Variants in BCL2L13 observed in about 807,000 individuals in gnomAD.
The protein encoded by BCL2L13 is bcl-2-like protein 13.
A neutral mutation model predicts 25.8 loss-of-function variants in BCL2L13; 13 were observed. The ratio of observed to expected loss-of-function variants is 0.50; its 90% CI spans 0.33 to 0.80. BCL2L13 has a LOEUF of 0.80. Among genes scored for constraint, BCL2L13 ranks in the 30% least tolerant of loss-of-function variants. BCL2L13 has a pLI of 0.02. For synonymous variants in BCL2L13, 244 were observed against 230.3 expected (o/e 1.06, Z -0.54); for missense variants, 504 against 574.9 (o/e 0.88, Z 1.26).
At chr22:17,660,323 AACTG>A (rs1488921902) in intron 2 of BCL2L13, among the ~76,000 whole-genome samples, 1 of 146,560 alleles carries the variant, frequency 6.8e-6, no homozygotes, top group African/African-American at 2.4e-5. Context: ...TTTTTTGATA[AACTG>A]ACTAAAGACA....
chr22:17,681,056 A>G (rs1299228873), intron 2 of BCL2L13, among the ~76,000 whole-genome samples: 1 of 152,034 alleles, frequency 6.6e-6, no homozygotes, highest in Non-Finnish European at 1.5e-5. Flanking sequence ...ACTCGTCTTG[A>G]TCTGTCTCCT....
At chr22:17,635,137 C>CA (rs1033754765), upstream of BCL2L13, among the ~76,000 whole-genome samples, 1 of 151,698 alleles carries the variant, frequency 6.6e-6, no homozygotes, top group Non-Finnish European at 1.5e-5. Context: ...CCTATAATCC[C>CA]AGCACTTCAG....
chr22:17,681,386 G>C (rs540780984), intron 2 of BCL2L13, among the ~76,000 whole-genome samples: 5 of 151,962 alleles, frequency 3.3e-5, no homozygotes, highest in Admixed American at 3.3e-4. Context: ...GGCGCCTGTA[G>C]TCCCAGCTAC....
At position 17,715,145 on chromosome 22, in the gene BCL2L13, TATATATATATATATATATATATA is replaced by T. The variant is rs2060889263; in HGVS notation, c.601-11531_601-11509del. Among the ~76,000 whole-genome samples, 7 of 9,842 alleles carry T rather than the reference TATATATATATATATATATATATA, an allele frequency of 7.1e-4. 1 individual carries two copies. The highest frequency in any genetic ancestry group is 4.1e-3 in the South Asian group (1 of 242). 6.5% of individuals were successfully genotyped at this position (9,842 alleles called of 152,430 possible). On this transcript the variant is annotated intron_variant, in intron 6 of 6. Transcript: ENST00000317582. ...TTTTATATATATATATATATATATA[TATATATATATATATATATATATA>T]TATTTTTTTTTTTTTTTTTTTTTTT...
intron 1 of BCL2L13, among the ~76,000 whole-genome samples, chr22:17,633,341 T>C (rs1354010579): frequency 6.6e-6 from 1 of 152,222 alleles, no homozygotes; most frequent in East Asian, 1.9e-4. Context: ...TTTACAGAGA[T>C]AACCTCTGAA....
chr22:17,720,771 G>A (rs2061099777), intron 6 of BCL2L13, among the ~76,000 whole-genome samples: 1 of 151,690 alleles, frequency 6.6e-6, no homozygotes, highest in African/African-American at 2.4e-5. Flanking sequence ...CAAAATGTTG[G>A]GATTATAGGT....
intron 2 of BCL2L13, among the ~76,000 whole-genome samples, chr22:17,676,641 T>C (rs2535694): frequency 0.86 from 131,159 of 152,154 alleles, 56,728 homozygotes; most frequent in East Asian, 0.94. Flanking sequence ...AATTAATTTC[T>C]GAGCTTGTGT....
At chr22:17,677,369 T>C (rs1450777358) in intron 2 of BCL2L13, among the ~76,000 whole-genome samples, 1 of 152,238 alleles carries the variant, frequency 6.6e-6, no homozygotes, top group African/African-American at 2.4e-5. Context: ...ATCAAGTTTC[T>C]TGACCTTAAT....
intron 2 of BCL2L13, among the ~76,000 whole-genome samples, chr22:17,663,782 G>A (rs2146566125): frequency 7.1e-6 from 1 of 140,782 alleles, no homozygotes; most frequent in East Asian, 2.1e-4. Context: ...CACCCGCCTA[G>A]TTCAAGCGAT....
At chr22:17,673,901 A>T (rs1030351475) in intron 2 of BCL2L13, among the ~76,000 whole-genome samples, 16 of 152,140 alleles carry the variant, frequency 1.1e-4, no homozygotes, top group African/African-American at 3.4e-4. Flanking sequence ...TGAGCTTTTC[A>T]TCTGTACATA....
intron 1 of BCL2L13, among the ~76,000 whole-genome samples, chr22:17,629,956 C>T (rs534819829): frequency 7.9e-5 from 12 of 152,130 alleles, no homozygotes; most frequent in Non-Finnish European, 1.2e-4. Context: ...CGGTGTCTCA[C>T]GCCTGTAATC....
chr22:17,680,716 A>G (rs2059726450), intron 2 of BCL2L13, among the ~76,000 whole-genome samples: 1 of 151,816 alleles, frequency 6.6e-6, no homozygotes, highest in Non-Finnish European at 1.5e-5. Flanking sequence ...CAGACACGGT[A>G]AGGAATCGTG....
At position 17,658,042 on chromosome 22, in the gene BCL2L13, G is replaced by C. The variant is rs200720551; in HGVS notation, c.121+2210G>C. ...TCACCATGTTGGCCAGGATGGTCTC[G>C]ATCTCCTGACCTCGTGATCCGCCCT... On this transcript the variant is annotated intron_variant, in intron 2 of 6. Transcript: ENST00000317582. Among the ~76,000 whole-genome samples, 2 of 151,158 alleles carry C rather than the reference G, an allele frequency of 1.3e-5. 1 individual carries two copies. Among genetic ancestry groups the C allele is most frequent in the African/African-American group, 4.9e-5 (2 of 41,106 alleles).
At chr22:17,657,030 G>A (rs572517363) in intron 2 of BCL2L13, among the ~76,000 whole-genome samples, 1 of 152,208 alleles carries the variant, frequency 6.6e-6, no homozygotes, top group South Asian at 2.1e-4. Context: ...TGTTTCCCAG[G>A]CTGATCTCAA....
intron 2 of BCL2L13, among the ~76,000 whole-genome samples, chr22:17,664,570 T>C (rs1005095439): frequency 2.0e-5 from 3 of 152,230 alleles, no homozygotes; most frequent in Admixed American, 6.5e-5. Context: ...GGGGACTCTG[T>C]GTGTGGGTTC....
At chr22:17,704,621 C>T (rs922725428) in intron 6 of BCL2L13, among the ~76,000 whole-genome samples, 1 of 151,732 alleles carries the variant, frequency 6.6e-6, no homozygotes, top group African/African-American at 2.4e-5. Context: ...ACTAAAAATA[C>T]AAAAATCATC....
At chr22:17,687,504 CTAT>C (rs202137570) in intron 3 of BCL2L13, among the ~76,000 whole-genome samples, 2 of 151,500 alleles carry the variant, frequency 1.3e-5, no homozygotes, top group South Asian at 2.1e-4. Flanking sequence ...CAGCACCCAG[CTAT>C]TATTATTATT....
intron 6 of BCL2L13, among the ~76,000 whole-genome samples, chr22:17,707,058 T>C (rs1017973028): frequency 2.6e-4 from 39 of 152,202 alleles, no homozygotes; most frequent in African/African-American, 7.7e-4. Context: ...TCTTGGAAGC[T>C]TTTAGGTTAA....
intron 3 of BCL2L13, among the ~76,000 whole-genome samples, chr22:17,688,247 G>A (rs1378827119): frequency 6.6e-6 from 1 of 152,218 alleles, no homozygotes; most frequent in Non-Finnish European, 1.5e-5. Context: ...ATGAGTCACT[G>A]TGCTCGGCTT....
Sources: allele counts gnomAD v4.1 joint callset (sites outside exome capture counted in the v4.1 genomes callset), GRCh38; gene constraint gnomAD v4.1.1; transcripts MANE v1.5; gene names NCBI Gene and HGNC (gene_info 2026-07-23, HGNC 2026-07-21).